The following CHRNG variants were observed in gnomAD, a reference collection of about 807,000 sequenced individuals.
CHRNG encodes acetylcholine receptor subunit gamma.
CHRNG carries 72 observed loss-of-function variants against 65.2 expected under a neutral mutation model. The observed-to-expected ratio is 1.10, with a 90% CI of 0.91 to 1.34. The LOEUF is 1.34. Ranked by LOEUF, CHRNG falls within the 40% of genes most tolerant of loss-of-function variation. CHRNG has a pLI of 0.00. For missense variants in CHRNG, 637 were observed against 680.1 expected, an observed-to-expected ratio of 0.94 and a Z score of 0.70; for synonymous variants, 284 against 290.2, an observed-to-expected ratio of 0.98 and a Z score of 0.22.
chr2:232,544,160 G>A (rs993043382), intron 9 of CHRNG, among the ~76,000 whole-genome samples: 1 of 152,206 alleles, frequency 6.6e-6, no homozygotes, highest in African/African-American at 2.4e-5. Flanking sequence ...AGGAATCTGT[G>A]TTTATAACAA....
chr2:232,542,846 T>C (rs1282088207), intron 6 of CHRNG, 36 bp from the exon 7 acceptor site: 3 of 1,588,074 alleles, frequency 1.9e-6, no homozygotes, highest in Non-Finnish European at 1.7e-6. Flanking sequence ...AGCTCACGCT[T>C]CTTGTGCCCA....
intron 11 of CHRNG, 80 bp from the exon 12 acceptor site, chr2:232,545,463 G>A: frequency 7.7e-7 from 1 of 1,306,142 alleles, no homozygotes; most frequent in Admixed American, 1.9e-5. Context: ...TGGGCCTGCT[G>A]GAAGCCCAAG....
rs1242549923 is a variant in CHRNG, at chr2:232,541,715, C to T, written c.506+186C>T. ...CCTGAAGGTGCCCAAGCTCTCCCTG[C>T]TAAGCCCGAGTCCCCTCACTCATCC... On this transcript the variant is annotated intron_variant, in intron 5 of 11. Transcript: ENST00000651502. This position sits in a 1 kb window ranked among gnomAD's most constrained non-coding sequence, Gnocchi z 4.0. The T allele has an allele frequency of 2.9e-6, 2 of 678,826 alleles. No individual in the cohort carries two copies. The highest frequency in any genetic ancestry group is 3.6e-5 in the South Asian group (2 of 55,916). The allele number at this position is 678,826 out of a possible 1,614,324, so 42.1% of individuals were successfully genotyped here.
Position 232,541,287 on chromosome 2 carries a change from C to A in CHRNG, c.351-87C>A. 6 of 1,536,972 alleles carry A rather than the reference C, an allele frequency of 3.9e-6. No homozygotes were observed. The highest frequency in any genetic ancestry group is 5.4e-6 in the Non-Finnish European group (6 of 1,114,460). On this transcript the variant is annotated intron_variant, in intron 4 of 11. Transcript: ENST00000651502. The surrounding 1 kb of genome is among the most constrained non-coding windows in gnomAD (Gnocchi z 4.0). ...GGGACTGGTGTCCCCAGGCCCCTATCCACATGGGGCACAGGGGCTGGTCTG... is the reference window on the plus strand; with the variant it reads ...GGGACTGGTGTCCCCAGGCCCCTATACACATGGGGCACAGGGGCTGGTCTG...
In CHRNG at chr2:232,544,545, G is replaced by T; in HGVS notation, c.1214G>T (p.Arg405Leu). The change falls in exon 10 of 12, where the codon CGG becomes CTG. Residue 405 changes from arginine to leucine, a missense_variant. Coordinates refer to ENST00000651502, the MANE Select transcript of CHRNG (RefSeq NM_005199.5). ...GAACTCCTCTTCCAGCAGTGGCAGC[G>T]GCAAGGGCTGGTGGCGGCAGCGCTG... Reference protein sequence around the residue: ...RSELLFQQWQRQGLVAAALEK... With the variant: ...RSELLFQQWQLQGLVAAALEK... The T allele has an allele frequency of 6.2e-7, 1 of 1,613,712 alleles. No individual in the cohort carries two copies. The highest frequency in any genetic ancestry group is 1.7e-5 in the Admixed American group (1 of 60,030).
At position 232,544,571 on chromosome 2, in the gene CHRNG, G is replaced by A. The variant is rs1459665788; in HGVS notation, c.1240G>A (p.Glu414Lys). The stretch of plus-strand genomic sequence containing the variant: ...GCAAGGGCTGGTGGCGGCAGCGCTG[G>A]AGAAGCTAGGTGAGACACACCAGGT... ...QRQGLVAAAL[E>K]KLEKGPELGL... Residue 414 changes from glutamate (E) to lysine (K), a missense_variant, in exon 10 of 12, where the codon GAG becomes AAG. Transcript: ENST00000651502. The A allele has an allele frequency of 6.2e-7, 1 of 1,612,912 alleles. No individual in the cohort carries two copies. The highest frequency in any genetic ancestry group is 1.3e-5 in the African/African-American group (1 of 74,930).
intron 7 of CHRNG, 44 bp from the exon 8 acceptor site, chr2:232,543,231 G>A: frequency 6.4e-7 from 1 of 1,558,312 alleles, no homozygotes; most frequent in Non-Finnish European, 8.9e-7. Context: ...TCTGTGGGTG[G>A]GGGAGGTAGG....
In CHRNG at chr2:232,544,719, C is replaced by CT. The variant is rs911044813; in HGVS notation, c.1250-52dup. On this transcript the variant is annotated intron_variant, in intron 10 of 11. Transcript: ENST00000651502. The stretch of plus-strand genomic sequence containing the variant: ...GGTCCCTAAGGAGAGGCCATCTTCT[C>CT]TGCCTGTTTCTCCTCCATTCTACTC... 3.2e-4 allele frequency: 511 copies of CT among 1,609,640 alleles called. 2 individuals carry two copies. Among genetic ancestry groups the CT allele is most frequent in the Admixed American group, 1.5e-4 (9 of 60,000 alleles).
Position 232,541,501 on chromosome 2 carries a change from G to A in CHRNG, c.478G>A (p.Asp160Asn), listed in dbSNP as rs748609408. The change falls in exon 5 of 12, where the codon GAC (aspartate) becomes AAC (asparagine). Residue 160 changes from aspartate to asparagine, a missense_variant. By Grantham distance (23) the Asp-to-Asn change is conservative (BLOSUM62 1). Coordinates refer to ENST00000651502, the MANE Select transcript of CHRNG (RefSeq NM_005199.5). The surrounding 1 kb of genome is among the most constrained non-coding windows in gnomAD (Gnocchi z 4.0). ...CSISVTYFPF[D>N]WQNCSLIFQS... ...TATCTCAGTCACCTACTTCCCCTTC[G>A]ACTGGCAGAACTGCTCCCTTATCTT... 2.9e-5 allele frequency: 46 copies of A among 1,613,922 alleles called. No individual in the cohort carries two copies. The highest frequency in any genetic ancestry group is 3.6e-5 in the Non-Finnish European group (42 of 1,179,994).
At position 232,540,053 on chromosome 2, in the gene CHRNG, C is replaced by T; in HGVS notation, c.117C>T (p.Pro39=). 6.2e-7 allele frequency: 1 copy of T among 1,614,224 alleles called. No individual in the cohort carries two copies. Among genetic ancestry groups the T allele is most frequent in the Non-Finnish European group, 8.5e-7 (1 of 1,180,028 alleles). ...LLADLMQNYD[P]NLRPAERDSD... is the part of the protein sequence containing the mutation. ...CAGACCTGATGCAAAACTACGACCC[C>T]AACCTGCGGCCCGCGGAACGAGACT... The change falls in exon 2 of 12, where the codon CCC becomes CCT. Residue 39 remains proline, a synonymous_variant. Coordinates refer to ENST00000651502, the MANE Select transcript of CHRNG (RefSeq NM_005199.5). The surrounding 1 kb of genome is among the most constrained non-coding windows in gnomAD (Gnocchi z 4.2).
chr2:232,539,849 C>T, intron 1 of CHRNG, 47 bp downstream of exon 1: 1 of 1,612,002 alleles, frequency 6.2e-7, no homozygotes, highest in East Asian at 2.2e-5. Context: ...GAGCTGGGGT[C>T]CACAGCCTCA....
intron 6 of CHRNG, among the ~76,000 whole-genome samples, 162 bp from the exon 7 acceptor site, chr2:232,542,720 C>A (rs901875177): frequency 2.0e-5 from 3 of 152,274 alleles, no homozygotes; most frequent in Non-Finnish European, 4.4e-5. Context: ...TTAGAAGAGG[C>A]TCGAGCATCC....
chr2:232,545,169 T>C (rs531932726), intron 11 of CHRNG, among the ~76,000 whole-genome samples: 1 of 152,020 alleles, frequency 6.6e-6, no homozygotes, highest in Non-Finnish European at 1.5e-5. Context: ...TAGCTGGGTG[T>C]GGTGGCGGGC....
chr2:232,542,574 C>A (rs1692040159), intron 6 of CHRNG, 54 bp downstream of exon 6: 1 of 1,262,460 alleles, frequency 7.9e-7, no homozygotes, highest in Non-Finnish European at 1.2e-6. Context: ...TCCTGCTGGA[C>A]CCAGCTGTGG....
At position 232,542,928 on chromosome 2, in the gene CHRNG, G is replaced by A; in HGVS notation, c.651G>A (p.Leu217=). 1 of 1,614,174 alleles carries A rather than the reference G, an allele frequency of 6.2e-7. No homozygotes were observed. The highest frequency in any genetic ancestry group is 8.5e-7 in the Non-Finnish European group (1 of 1,180,028). ...AIQHRPAKML[L]DPAAPAQEAG... is the part of the protein sequence containing the mutation. ...AGCACCGACCAGCCAAGATGCTCCT[G>A]GACCCAGCGGCGCCAGCCCAGGAAG... Residue 217 remains leucine, a synonymous_variant, in exon 7 of 12, where the codon CTG becomes CTA. Transcript: ENST00000651502.
At position 232,543,647 on chromosome 2, in the gene CHRNG, A is replaced by C; in HGVS notation, c.983A>C (p.Asn328Thr). 1 of 1,613,842 alleles carries C rather than the reference A, an allele frequency of 6.2e-7. No individual in the cohort carries two copies. The highest frequency in any genetic ancestry group is 8.5e-7 in the Non-Finnish European group (1 of 1,179,858). ...GTCGTGAATGCTGTGGTTGTGCTCA[A>C]TGTCTCCTTGCGGTCTCCACACACA... ...LIVVNAVVVL[N>T]VSLRSPHTHS... Residue 328 changes from asparagine to threonine, a missense_variant, in exon 9 of 12, where the codon AAT becomes ACT. Asn to Thr is a moderately conservative substitution (Grantham distance 65). Coordinates refer to ENST00000651502, the MANE Select transcript of CHRNG (RefSeq NM_005199.5).
rs2106224673 is a variant in CHRNG at position 232,547,026 on chromosome 2, G to A, written c.*1310G>A. On this transcript the variant is annotated 3_prime_UTR_variant, in exon 12 of 12. Transcript: ENST00000651502. ...CTCTGAGATTACAGCCGGCACACGA[G>A]TTTGGCTGGTAACCAGGGGACACCC... is the stretch of plus-strand genomic sequence containing the variant. Among the ~76,000 whole-genome samples, 1 of 152,306 alleles carries A rather than the reference G, an allele frequency of 6.6e-6. No individual in the cohort carries two copies.
At chr2:232,543,125 G>T in intron 7 of CHRNG, 43 bp downstream of exon 7, 1 of 1,596,074 alleles carries the variant, frequency 6.3e-7, no homozygotes, top group Non-Finnish European at 8.6e-7. Context: ...TAGCACAGGG[G>T]ACACCTGGGA....
At position 232,540,008 on chromosome 2, in the gene CHRNG, C is replaced by G. The variant is rs143418126; in HGVS notation, c.72C>G (p.Asn24Lys). 6.2e-7 allele frequency: 1 copy of G among 1,614,094 alleles called. No individual in the cohort carries two copies. Among genetic ancestry groups the G allele is most frequent in the Non-Finnish European group, 8.5e-7 (1 of 1,180,034 alleles). ...CTATTGCAGGGGCCCAGGGCCGGAA[C>G]CAGGAGGAGCGCCTGCTCGCAGACC... is the stretch of plus-strand genomic sequence containing the variant. ...LAVCLGAQGR[N>K]QEERLLADLM... is the part of the protein sequence containing the mutation. Residue 24 changes from asparagine (N) to lysine (K), a missense_variant, in exon 2 of 12, where the codon AAC becomes AAG. By Grantham distance (94) the Asn-to-Lys change is moderately conservative. Transcript: ENST00000651502. The surrounding 1 kb of genome is among the most constrained non-coding windows in gnomAD (Gnocchi z 4.2).
Sources: gnomAD v4.1 joint callset for allele counts (sites outside exome capture counted in the v4.1 genomes callset) on GRCh38, gnomAD v4.1.1 for gene constraint, Gnocchi (gnomAD v3.1) non-coding constraint, MANE v1.5 for transcripts, NCBI Gene and HGNC (gene_info 2026-07-23, HGNC 2026-07-21) for gene names.